CCDC68: variants seen among roughly 807,000 people sequenced by gnomAD.
CCDC68 encodes coiled-coil domain-containing protein 68.
In CCDC68, 45 loss-of-function variants were observed where a neutral mutation model predicts 47.1. The ratio of observed to expected loss-of-function variants is 0.96; its 90% CI spans 0.75 to 1.23. The LOEUF is 1.23. Among genes scored for constraint, CCDC68 ranks in the 50% most tolerant of loss-of-function variants. The pLI is 0.00. For missense variants in CCDC68, 353 were observed against 373.6 expected, an observed-to-expected ratio of 0.94 and a Z score of 0.45; for synonymous variants, 131 against 129.5, an observed-to-expected ratio of 1.01 and a Z score of -0.08.
intron 4 of CCDC68, among the ~76,000 whole-genome samples, chr18:54,938,924 G>A (rs1340830053): frequency 3.3e-5 from 5 of 152,152 alleles, no homozygotes; most frequent in African/African-American, 1.2e-4. Flanking sequence ...GATGTTTTAT[G>A]TACAGTCCTT....
intron 3 of CCDC68, among the ~76,000 whole-genome samples, chr18:54,941,676 ATAAT>A (rs2044440431): frequency 1.3e-5 from 2 of 152,204 alleles, no homozygotes; most frequent in East Asian, 1.9e-4. Context: ...ATTTCACTAA[ATAAT>A]TAAATAATCC....
Position 54,955,166 on chromosome 18 carries a change from A to C in CCDC68, c.-103+4170T>G, listed in dbSNP as rs1255365600. On this transcript the variant is annotated intron_variant, in intron 1 of 11. Transcript: ENST00000591504. ...TGATGCCCCATCTATGAAAAAAAAA[A>C]TTTAATTAGCTAGGCATGGTGCCAC... Among the ~76,000 whole-genome samples the C allele has an allele frequency of 2.0e-5, 3 of 152,136 alleles. No homozygotes were observed. In the East Asian group the frequency reaches 5.8e-4, roughly 29 times the overall value.
At chr18:54,905,393 G>A (rs374248231) in intron 11 of CCDC68, among the ~76,000 whole-genome samples, 5 of 137,480 alleles carry the variant, frequency 3.6e-5, no homozygotes, top group Admixed American at 2.2e-4. Context: ...GGGAAGAGGG[G>A]AGGGAAAGGA....
At position 54,904,097 on chromosome 18, in the gene CCDC68, T is replaced by G; in HGVS notation, c.*261A>C. On this transcript the variant is annotated 3_prime_UTR_variant, in exon 12 of 12. Coordinates refer to ENST00000591504, the MANE Select transcript of CCDC68 (RefSeq NM_025214.3). Reference sequence around the variant, plus strand: ...AACAAGATTCAGATTTTTTTTTTTTTTTAATTTAAAGCAGAATCTGTCTTC... The same window carrying G: ...AACAAGATTCAGATTTTTTTTTTTTGTTAATTTAAAGCAGAATCTGTCTTC... 3.3e-6 allele frequency: 1 copy of G among 303,550 alleles called. No individual in the cohort carries two copies. Among genetic ancestry groups the G allele is most frequent in the Non-Finnish European group, 6.0e-6 (1 of 165,592 alleles). 18.8% of individuals were successfully genotyped at this position (303,550 alleles called of 1,614,324 possible).
intron 8 of CCDC68, among the ~76,000 whole-genome samples, chr18:54,927,930 G>C (rs1204804871): frequency 3.3e-5 from 5 of 152,154 alleles, no homozygotes; most frequent in Admixed American, 3.3e-4. Context: ...CTGTAGGGGG[G>C]AAATCGAAAG....
At chr18:54,914,858 C>T (rs939221329) in intron 10 of CCDC68, among the ~76,000 whole-genome samples, 1 of 152,214 alleles carries the variant, frequency 6.6e-6, no homozygotes, top group African/African-American at 2.4e-5. Flanking sequence ...AACAAATACA[C>T]CTTCCTTGTC....
chr18:54,924,077 A>G (rs1368071834), intron 8 of CCDC68, among the ~76,000 whole-genome samples: 1 of 152,204 alleles, frequency 6.6e-6, no homozygotes, highest in Non-Finnish European at 1.5e-5. Context: ...AAAGGAGGCA[A>G]ATGTCTGTAT....
chr18:54,906,762 A>ATTTCT (rs1914033257), intron 11 of CCDC68, among the ~76,000 whole-genome samples: 3 of 152,202 alleles, frequency 2.0e-5, no homozygotes, highest in South Asian at 2.1e-4. Context: ...CTGAGGCTTC[A>ATTTCT]TTTCTTTTAT....
chr18:54,930,993 C>G (rs1435560389), intron 7 of CCDC68, among the ~76,000 whole-genome samples: 1 of 151,772 alleles, frequency 6.6e-6, no homozygotes, highest in African/African-American at 2.4e-5. Context: ...GCTGGGATTA[C>G]AGGTGTAAGC....
chr18:54,946,985 C>G (rs1473867249), intron 1 of CCDC68, among the ~76,000 whole-genome samples: 1 of 152,164 alleles, frequency 6.6e-6, no homozygotes, highest in Non-Finnish European at 1.5e-5. Context: ...ATAACTGTAT[C>G]CATATGAAAT....
chr18:54,907,668 A>C (rs1419216574), intron 11 of CCDC68, 118 bp downstream of exon 11: 1 of 644,684 alleles, frequency 1.6e-6, no homozygotes, highest in African/African-American at 1.8e-5. Context: ...TGGGAGAAAA[A>C]CAGTAAACAA....
At chr18:54,948,207 G>A (rs1463160882) in intron 1 of CCDC68, among the ~76,000 whole-genome samples, 1 of 152,046 alleles carries the variant, frequency 6.6e-6, no homozygotes, top group East Asian at 1.9e-4. Context: ...GTAAACATGA[G>A]GTCACACTGG....
chr18:54,906,964 A>T (rs1914047037), intron 11 of CCDC68, among the ~76,000 whole-genome samples: 1 of 152,224 alleles, frequency 6.6e-6, no homozygotes, highest in South Asian at 2.1e-4. Flanking sequence ...ACTGATGCTA[A>T]TCATAGTGGG....
intron 2 of CCDC68, among the ~76,000 whole-genome samples, chr18:54,944,045 C>T (rs995414082): frequency 1.3e-5 from 2 of 151,916 alleles, no homozygotes; most frequent in East Asian, 1.9e-4. Context: ...CCCAGCTACT[C>T]GGGAGGCTGA....
intron 2 of CCDC68, among the ~76,000 whole-genome samples, chr18:54,943,271 C>G (rs112600158): frequency 4.6e-5 from 7 of 151,670 alleles, no homozygotes; most frequent in Non-Finnish European, 1.0e-4. Context: ...TGGAAAAACC[C>G]CATGCCAACA....
At chr18:54,926,076 C>T (rs1363048299) in intron 8 of CCDC68, among the ~76,000 whole-genome samples, 1 of 152,156 alleles carries the variant, frequency 6.6e-6, no homozygotes, top group Non-Finnish European at 1.5e-5. Context: ...TGACATGCAA[C>T]CTCAGCTTCA....
At chr18:54,933,768 G>T (rs1305123848) in intron 7 of CCDC68, among the ~76,000 whole-genome samples, 2 of 152,162 alleles carry the variant, frequency 1.3e-5, no homozygotes, top group East Asian at 3.8e-4. Flanking sequence ...ACATGCAGCT[G>T]AATATTATCT....
At chr18:54,947,100 A>G (rs1036857949) in intron 1 of CCDC68, among the ~76,000 whole-genome samples, 2 of 152,246 alleles carry the variant, frequency 1.3e-5, no homozygotes, top group Non-Finnish European at 2.9e-5. Context: ...CCAAATTGCC[A>G]TATGGCATTA....
intron 7 of CCDC68, among the ~76,000 whole-genome samples, chr18:54,934,203 T>C (rs1342638207): frequency 2.0e-5 from 3 of 152,254 alleles, no homozygotes; most frequent in East Asian, 1.9e-4. Context: ...CACAAATTTA[T>C]GTGTTCACCT....
Sources: allele counts gnomAD v4.1 joint callset (sites outside exome capture counted in the v4.1 genomes callset), GRCh38; gene constraint gnomAD v4.1.1; transcripts MANE v1.5; gene names NCBI Gene and HGNC (gene_info 2026-07-23, HGNC 2026-07-21).